EFCAB12: variants seen among roughly 807,000 people sequenced by gnomAD.
EFCAB12 encodes EF-hand calcium binding domain 12.
A neutral mutation model predicts 53.6 loss-of-function variants in EFCAB12; 43 were observed. The ratio of observed to expected loss-of-function variants is 0.80; its 90% CI spans 0.63 to 1.03. The LOEUF (loss-of-function observed/expected upper bound fraction) is 1.03. Among genes scored for constraint, EFCAB12 ranks in the 50% least tolerant of loss-of-function variants. The pLI, the probability that EFCAB12 is intolerant of heterozygous loss-of-function variation, is 0.00. For synonymous variants in EFCAB12, 269 were observed against 289.2 expected (o/e 0.93, Z 0.71); for missense variants, 646 against 730.6 (o/e 0.88, Z 1.34).
At chr3:129,418,185 G>T in intron 3 of EFCAB12, 69 bp downstream of exon 3, 1 of 1,415,818 alleles carries the variant, frequency 7.1e-7, no homozygotes, top group Non-Finnish European at 9.5e-7. Context: ...AGGGGCGGGG[G>T]TGGCAAAGAG....
At chr3:129,414,398 C>T (rs1247528026) in intron 4 of EFCAB12, 1 of 152,250 alleles carries the variant, frequency 6.6e-6, no homozygotes, top group Non-Finnish European at 1.5e-5. Context: ...CTCCAGGGCT[C>T]CTGTGTGACT....
chr3:129,415,428 A>G (rs1278149307), intron 3 of EFCAB12, 27 bp from the exon 4 acceptor site: 2 of 1,612,232 alleles, frequency 1.2e-6, no homozygotes, highest in African/African-American at 2.7e-5. Context: ...CCTTCAGACT[A>G]GCAGGCTCCC....
intron 3 of EFCAB12, among the ~76,000 whole-genome samples, chr3:129,417,362 CA>C (rs61426073): frequency 0.099 from 12,183 of 123,598 alleles, 750 homozygotes; most frequent in African/African-American, 0.18. Context: ...AACCCAAAAC[CA>C]AAAAAAAAAA....
At chr3:129,428,399 G>A in intron 1 of EFCAB12, 41 bp downstream of exon 1, 1 of 1,580,158 alleles carries the variant, frequency 6.3e-7, no homozygotes, top group Middle Eastern at 1.7e-4. Context: ...CGTCCTTAGG[G>A]CGCTGAGCGC....
rs187407770 is a variant in EFCAB12 at position 129,418,417 on chromosome 3, C to A, written c.518G>T (p.Arg173Leu). 7 of 1,610,652 alleles carry A rather than the reference C, an allele frequency of 4.3e-6. No individual in the cohort carries two copies. The highest frequency in any genetic ancestry group is 3.3e-4 in the Middle Eastern group (2 of 6,050). ...KKAPRLSRLS[R>L]QMVPQLQLPE... is the part of the protein sequence containing the mutation. ...CAGCTGGAGCTGGGGCACCATCTGG[C>A]GGGACAGCCGGGAGAGCCTGGGGGC... Residue 173 changes from arginine (R) to leucine (L), a missense_variant, in exon 3 of 9, where the codon CGC becomes CTC. Physicochemically the swap from Arg to Leu is moderately radical, Grantham distance 102. Coordinates refer to ENST00000505956, the MANE Select transcript of EFCAB12 (RefSeq NM_207307.3).
chr3:129,406,036 G>C (rs1296356446), intron 6 of EFCAB12, among the ~76,000 whole-genome samples: 5 of 146,618 alleles, frequency 3.4e-5, no homozygotes. Context: ...AACAAAGCAA[G>C]ACCCCATCTC....
chr3:129,408,730 G>C lies in EFCAB12; in HGVS notation c.1164C>G (p.Arg388=). ...GCAGGTAGACCAGAAAGTTGTGCCT[G>C]CGGGCCGAGTCAATGAGCTCCCTCA... The part of the protein sequence containing the change: ...GDMRELIDSA[R]RHNFLVYLQC... The change falls in exon 6 of 9, where the codon CGC becomes CGG. Residue 388 remains arginine, a synonymous_variant. Coordinates refer to ENST00000505956, the MANE Select transcript of EFCAB12 (RefSeq NM_207307.3). The C allele has an allele frequency of 6.3e-7, 1 of 1,585,332 alleles. No homozygotes were observed. The highest frequency in any genetic ancestry group is 1.2e-5 in the South Asian group (1 of 86,742).
chr3:129,410,779 T>G (rs921178016), intron 5 of EFCAB12, among the ~76,000 whole-genome samples: 1 of 152,210 alleles, frequency 6.6e-6, no homozygotes, highest in Non-Finnish European at 1.5e-5. Flanking sequence ...CTGGACAAGC[T>G]AATTCATGCA....
Position 129,404,363 on chromosome 3 carries a change from G to C in EFCAB12, c.1290C>G (p.Asp430Glu), listed in dbSNP as rs1559782894. ...YPGDKIIFQM[D>E]KVCPIRQPGG... is the part of the protein sequence containing the mutation. ...CCGGCTGCCGGATGGGGCACACTTT[G>C]TCCATCTGGAAAATGATCTTGTCTC... The change falls in exon 7 of 9, where the codon GAC becomes GAG. Residue 430 changes from aspartate to glutamate, a missense_variant. Asp to Glu is a conservative substitution (Grantham distance 45). Transcript: ENST00000505956. 6.2e-7 allele frequency: 1 copy of C among 1,613,830 alleles called. No individual in the cohort carries two copies.
intron 1 of EFCAB12, among the ~76,000 whole-genome samples, chr3:129,422,452 C>T (rs2072200670): frequency 6.6e-6 from 1 of 152,146 alleles, no homozygotes; most frequent in Non-Finnish European, 1.5e-5. Flanking sequence ...CCCCTAATCC[C>T]TTGCTTCTCT....
Position 129,408,852 on chromosome 3 carries a change from T to C in EFCAB12, c.1042A>G (p.Ile348Val), listed in dbSNP as rs770510976. The C allele has an allele frequency of 7.7e-6, 12 of 1,567,740 alleles. No individual in the cohort carries two copies. Among genetic ancestry groups the C allele is most frequent in the Middle Eastern group, 1.7e-4 (1 of 5,784 alleles). ...TGCTCCGTGTACTGGATGGAGGGGA[T>C]CGTGAGCTGCGAAGGAAGCAGAAAG... Reference protein sequence around the residue: ...RERQRQHKLTIPSIQYTEQCH... With the variant: ...RERQRQHKLTVPSIQYTEQCH... The change falls in exon 6 of 9, where the codon ATC becomes GTC. Residue 348 changes from isoleucine (I) to valine (V), a missense_variant. Ile to Val is a conservative substitution (Grantham distance 29, BLOSUM62 3). Coordinates refer to ENST00000505956, the MANE Select transcript of EFCAB12 (RefSeq NM_207307.3).
chr3:129,421,432 G>C lies in EFCAB12; in HGVS notation c.421C>G (p.His141Asp). Residue 141 changes from histidine to aspartate, a missense_variant, in exon 2 of 9, where the codon CAC (histidine) becomes GAC (aspartate). Coordinates refer to ENST00000505956, the MANE Select transcript of EFCAB12 (RefSeq NM_207307.3). Reference sequence around the variant, plus strand: ...GCACTCTGCTCCTCGTGGATCATGTGTAAGACCTTGGCCTCTGAAGGCGTG... The same window carrying C: ...GCACTCTGCTCCTCGTGGATCATGTCTAAGACCTTGGCCTCTGAAGGCGTG... The part of the protein sequence containing the change: ...SITPSEAKVL[H>D]MIHEEQSAQP... 1 of 1,614,018 alleles carries C rather than the reference G, an allele frequency of 6.2e-7. No individual in the cohort carries two copies.
intron 3 of EFCAB12, 41 bp downstream of exon 3, chr3:129,418,213 T>C: frequency 6.4e-7 from 1 of 1,554,736 alleles, no homozygotes; most frequent in Non-Finnish European, 8.7e-7. Context: ...ATGTACATCC[T>C]GCCCACTTAG....
rs2071917109 is a variant in EFCAB12 at position 129,404,306 on chromosome 3, A to C, written c.1347T>G (p.Ser449=). The C allele has an allele frequency of 3.7e-6, 6 of 1,613,882 alleles. No homozygotes were observed. The highest frequency in any genetic ancestry group is 5.1e-6 in the Non-Finnish European group (6 of 1,179,860). The change falls in exon 7 of 9, where the codon TCT becomes TCG. Residue 449 remains serine (S), a synonymous_variant. Transcript: ENST00000505956. ...GGYYSDWKVF[S]PNLALLRSQG... is the part of the protein sequence containing the mutation. ...GGGACCGGAGCAGAGCCAGATTCGG[A>C]GAAAAGACCTTCCAGTCAGAGTAGT...
rs1171276318 is a variant in EFCAB12 at position 129,426,845 on chromosome 3, C to CTT, written c.49+1593_49+1594dup. On this transcript the variant is annotated intron_variant, in intron 1 of 8. Transcript: ENST00000505956. Reference sequence around the variant, plus strand: ...GTGCATGCCATTAAGCCTAGCTAACCTTTTTTTTTTTTTTTTTTTTGAGAT... The same window carrying CTT: ...GTGCATGCCATTAAGCCTAGCTAACCTTTTTTTTTTTTTTTTTTTTTTGAGAT... Among the ~76,000 whole-genome samples the CTT allele has an allele frequency of 2.9e-3, 305 of 105,020 alleles. 7 individuals carry two copies. The highest frequency in any genetic ancestry group is 7.9e-3 in the African/African-American group (188 of 23,902). 68.9% of individuals were successfully genotyped at this position (105,020 alleles called of 152,430 possible). A position where few individuals can be genotyped will look rare whatever the true frequency, so the allele number is the denominator to read the frequency against.
chr3:129,401,769 G>T lies in EFCAB12; in HGVS notation c.1543C>A (p.Gln515Lys). Residue 515 changes from glutamine (Q) to lysine (K), a missense_variant, in exon 9 of 9, where the codon CAG (glutamine) becomes AAG (lysine). Physicochemically the swap from Gln to Lys is moderately conservative, Grantham distance 53 (BLOSUM62 1). Coordinates refer to ENST00000505956, the MANE Select transcript of EFCAB12 (RefSeq NM_207307.3). ...GTGGCCACAGTGGGCAGGTAGAGCT[G>T]CAGCTTATCCAGAAGATGACCCGGC... The part of the protein sequence containing the change: ...FWPGHLLDKL[Q>K]LYLPTVATDR... 6.2e-7 allele frequency: 1 copy of T among 1,610,626 alleles called. No homozygotes were observed. The highest frequency in any genetic ancestry group is 1.1e-5 in the South Asian group (1 of 90,296).
At position 129,411,406 on chromosome 3, in the gene EFCAB12, C is replaced by T. The variant is rs1429955933; in HGVS notation, c.839-52G>A. The T allele has an allele frequency of 4.6e-6, 7 of 1,508,872 alleles. No individual in the cohort carries two copies. The East Asian group carries it at 1.2e-4, about 25-fold the overall frequency. 93.5% of individuals were successfully genotyped at this position (1,508,872 alleles called of 1,614,324 possible). ...AAGGAGGGACTAAGAGGGTGCCCAGCCACGGAACCTGCCAAGCAGTTATCC... is the reference window on the plus strand; with the variant it reads ...AAGGAGGGACTAAGAGGGTGCCCAGTCACGGAACCTGCCAAGCAGTTATCC... On this transcript the variant is annotated intron_variant, in intron 4 of 8. Transcript: ENST00000505956.
intron 2 of EFCAB12, among the ~76,000 whole-genome samples, chr3:129,420,803 GT>G (rs1279706599): frequency 3.3e-5 from 5 of 152,246 alleles, no homozygotes; most frequent in Non-Finnish European, 7.3e-5. Flanking sequence ...CAAAGAGAAT[GT>G]GGTGGAAGTG....
intron 3 of EFCAB12, among the ~76,000 whole-genome samples, chr3:129,416,409 C>T (rs1229936762): frequency 1.3e-5 from 2 of 150,100 alleles, no homozygotes; most frequent in Non-Finnish European, 2.9e-5. Flanking sequence ...AAGAACGAAG[C>T]TCCGTCTCAA....
Sources: gnomAD v4.1 joint callset for allele counts (sites outside exome capture counted in the v4.1 genomes callset) on GRCh38, gnomAD v4.1.1 for gene constraint, MANE v1.5 for transcripts, NCBI Gene and HGNC (gene_info 2026-07-23, HGNC 2026-07-21) for gene names.